SCAPER: variants seen among roughly 807,000 people sequenced by gnomAD.
SCAPER encodes S-phase cyclin A associated protein in the ER, also known as S phase cyclin A-associated protein in the endoplasmic reticulum.
A neutral mutation model predicts 182.2 loss-of-function variants in SCAPER; 98 were observed. The ratio of observed to expected loss-of-function variants is 0.54; its 90% CI spans 0.46 to 0.64. SCAPER has a LOEUF of 0.64. Ranked by LOEUF, SCAPER falls within the 30% of genes least tolerant of loss-of-function variation. The probability of loss-of-function intolerance (pLI) is 0.00; values close to 1 mark genes in which losing one functional copy is unlikely to be tolerated. For missense variants in SCAPER, 1,432 were observed against 1,690.0 expected (o/e 0.85, Z 2.68); for synonymous variants, 605 against 564.6 (o/e 1.07, Z -1.01).
intron 26 of SCAPER, among the ~76,000 whole-genome samples, chr15:76,412,924 G>A (rs2045394812): frequency 6.6e-6 from 1 of 152,018 alleles, no homozygotes; most frequent in African/African-American, 2.4e-5. Flanking sequence ...GTAATGCTTT[G>A]TAGAGGTGTT....
At chr15:76,790,858 G>A (rs1282008294) in intron 8 of SCAPER, among the ~76,000 whole-genome samples, 1 of 151,974 alleles carries the variant, frequency 6.6e-6, no homozygotes, top group African/African-American at 2.4e-5. Context: ...GGTTTAACTT[G>A]CTTTTCTTTT....
At chr15:76,562,256 A>C (rs1343841926) in intron 23 of SCAPER, among the ~76,000 whole-genome samples, 1 of 152,028 alleles carries the variant, frequency 6.6e-6, no homozygotes, top group Non-Finnish European at 1.5e-5. Flanking sequence ...GATATTTTAA[A>C]AGAAGAGCAA....
chr15:76,658,258 T>G (rs1388745852), intron 21 of SCAPER, among the ~76,000 whole-genome samples: 1 of 152,110 alleles, frequency 6.6e-6, no homozygotes, highest in Non-Finnish European at 1.5e-5. Context: ...GTGGCATTTC[T>G]ACACACCAAC....
chr15:76,408,172 T>C (rs1225773775), intron 26 of SCAPER, among the ~76,000 whole-genome samples: 1 of 152,236 alleles, frequency 6.6e-6, no homozygotes, highest in Non-Finnish European at 1.5e-5. Flanking sequence ...TTTAATCTGT[T>C]AGCTACCCTC....
chr15:76,617,644 C>G (rs1342544856), intron 22 of SCAPER, among the ~76,000 whole-genome samples: 7 of 152,176 alleles, frequency 4.6e-5, no homozygotes, highest in African/African-American at 1.7e-4. Flanking sequence ...GAGGCTGACC[C>G]AGGCTTCCTT....
intron 8 of SCAPER, among the ~76,000 whole-genome samples, chr15:76,775,372 T>C (rs926182434): frequency 9.9e-5 from 15 of 152,124 alleles, no homozygotes; most frequent in Non-Finnish European, 1.6e-4. Flanking sequence ...ATAATAAATA[T>C]TTAAATAGTG....
intron 22 of SCAPER, among the ~76,000 whole-genome samples, chr15:76,610,568 T>C (rs2050886338): frequency 1.3e-5 from 2 of 152,072 alleles, no homozygotes; most frequent in Admixed American, 6.6e-5. Context: ...AGTATTAATA[T>C]ACAAATTCAG....
intron 23 of SCAPER, among the ~76,000 whole-genome samples, chr15:76,539,545 CTTT>C (rs36086361): frequency 5.0e-5 from 6 of 119,384 alleles, no homozygotes; most frequent in Non-Finnish European, 5.1e-5. Flanking sequence ...ATCAAAATTT[CTTT>C]TTTTTTTTTT....
intron 9 of SCAPER, among the ~76,000 whole-genome samples, 162 bp downstream of exon 9, chr15:76,774,693 G>A (rs558674012): frequency 6.6e-6 from 1 of 152,262 alleles, no homozygotes; most frequent in South Asian, 2.1e-4. Flanking sequence ...GAACAGTATG[G>A]GAGGAGTTCG....
rs1267628464 is a variant in SCAPER, at chr15:76,603,997, T to C, written c.2711+17767A>G. 3.3e-5 allele frequency among the ~76,000 whole-genome samples: 4 copies of C among 121,636 alleles called. 1 individual carries two copies. The highest frequency in any genetic ancestry group is 4.0e-5 in the Non-Finnish European group (2 of 50,082). The allele number at this position is 121,636 out of a possible 152,430, so 79.8% of individuals were successfully genotyped here. Reference sequence around the variant, plus strand: ...GTTGCCTGTTCAGTCTGATGGTAGTTTCTTTTGCTGTGCAGAAGCTCTTTA... The same window carrying C: ...GTTGCCTGTTCAGTCTGATGGTAGTCTCTTTTGCTGTGCAGAAGCTCTTTA... On this transcript the variant is annotated intron_variant, in intron 22 of 31. Transcript: ENST00000563290.
Position 76,808,099 on chromosome 15 carries a change from G to A in SCAPER, c.394-3466C>T, listed in dbSNP as rs141211307. Among the ~76,000 whole-genome samples the A allele has an allele frequency of 3.3e-3, 509 of 152,202 alleles. 5 individuals are homozygous for A. The highest frequency in any genetic ancestry group is 0.011 in the African/African-American group (471 of 41,528). ...GAGGTGATTTTCAACAGGTGTGTGAGCACTTCCAGCAGCTAACCTCCTGGG... is the reference window on the plus strand; with the variant it reads ...GAGGTGATTTTCAACAGGTGTGTGAACACTTCCAGCAGCTAACCTCCTGGG... On this transcript the variant is annotated intron_variant, in intron 5 of 31. Transcript: ENST00000563290.
intron 2 of SCAPER, among the ~76,000 whole-genome samples, chr15:76,876,348 C>G (rs4886839): frequency 0.38 from 57,871 of 150,890 alleles, 13,060 homozygotes; most frequent in Middle Eastern, 0.53. Flanking sequence ...GCGAGGGCTG[C>G]GAGGGCTGCC....
chr15:76,665,938 C>T (rs1311147753), intron 20 of SCAPER, 149 bp from the exon 21 acceptor site: 4 of 689,754 alleles, frequency 5.8e-6, no homozygotes, highest in Non-Finnish European at 8.5e-6. Context: ...TTATGGAAAA[C>T]GTTGAAGAAA....
At chr15:76,553,985 G>A (rs193011308) in intron 23 of SCAPER, among the ~76,000 whole-genome samples, 1 of 152,178 alleles carries the variant, frequency 6.6e-6, no homozygotes, top group Non-Finnish European at 1.5e-5. Flanking sequence ...AGGCTCAAAC[G>A]GCTGAAATGA....
chr15:76,804,469 C>A (rs943364195), intron 6 of SCAPER, 64 bp downstream of exon 6: 1 of 1,057,680 alleles, frequency 9.5e-7, no homozygotes, highest in Non-Finnish European at 1.4e-6. Context: ...GTTTATTGTC[C>A]GTTTCAGTGA....
chr15:76,378,694 G>GT (rs1555417059), intron 28 of SCAPER, among the ~76,000 whole-genome samples: 1 of 152,208 alleles, frequency 6.6e-6, no homozygotes, highest in Non-Finnish European at 1.5e-5. Context: ...TGATAGGTAA[G>GT]TATATGACTT....
chr15:76,586,850 T>A (rs1211453759), intron 22 of SCAPER, among the ~76,000 whole-genome samples: 2 of 152,072 alleles, frequency 1.3e-5, no homozygotes, highest in African/African-American at 2.4e-5. Flanking sequence ...TCTTTCTCTA[T>A]CTCGTGGAAT....
At chr15:76,860,422 T>C (rs1306999686) in intron 3 of SCAPER, among the ~76,000 whole-genome samples, 1 of 152,164 alleles carries the variant, frequency 6.6e-6, no homozygotes, top group Non-Finnish European at 1.5e-5. Flanking sequence ...AACAATGTTC[T>C]CTAAAAATAG....
chr15:76,694,399 T>TA (rs2058541412), intron 20 of SCAPER, among the ~76,000 whole-genome samples: 1 of 152,116 alleles, frequency 6.6e-6, no homozygotes, highest in African/African-American at 2.4e-5. Flanking sequence ...AGTTCATTGT[T>TA]AGTGTATAGA....
Sources: allele counts gnomAD v4.1 joint callset (sites outside exome capture counted in the v4.1 genomes callset), GRCh38; gene constraint gnomAD v4.1.1; transcripts MANE v1.5; gene names NCBI Gene and HGNC (gene_info 2026-07-23, HGNC 2026-07-21).